ITPK1: variants seen among roughly 807,000 people sequenced by gnomAD.
The protein encoded by ITPK1 is inositol-tetrakisphosphate 1-kinase.
ITPK1 carries 21 observed loss-of-function variants against 45.3 expected under a neutral mutation model. The ratio of observed to expected loss-of-function variants is 0.46; its 90% CI spans 0.33 to 0.67. The LOEUF (loss-of-function observed/expected upper bound fraction) is 0.67. Ranked by LOEUF, ITPK1 falls within the 30% of genes least tolerant of loss-of-function variation. The probability of loss-of-function intolerance (pLI) is 0.02; values close to 1 mark genes in which losing one functional copy is unlikely to be tolerated. For synonymous variants in ITPK1, 258 were observed against 253.6 expected (o/e 1.02, Z -0.16); for missense variants, 474 against 573.5 (o/e 0.83, Z 1.77).
At chr14:93,048,811 T>C (rs2139925797) in intron 3 of ITPK1, among the ~76,000 whole-genome samples, 1 of 152,164 alleles carries the variant, frequency 6.6e-6, no homozygotes, top group South Asian at 2.1e-4. Flanking sequence ...TACCCAGATA[T>C]GGTGGCACAC....
At chr14:93,044,234 A>G (rs1196834931) in intron 3 of ITPK1, among the ~76,000 whole-genome samples, 3 of 152,240 alleles carry the variant, frequency 2.0e-5, no homozygotes. Context: ...CAACCAGCTT[A>G]AACACTGGCA....
chr14:93,008,970 C>T (rs1887755764), intron 4 of ITPK1, among the ~76,000 whole-genome samples: 2 of 152,320 alleles, frequency 1.3e-5, no homozygotes, highest in African/African-American at 4.8e-5. Flanking sequence ...CACCTGAGCT[C>T]TCAGAGCTGC....
Position 93,028,010 on chromosome 14 carries a change from C to T in ITPK1, c.121-11209G>A, listed in dbSNP as rs571839991. ...CACTGAGAGGACCTCTGTGGGAAAC[C>T]GGCACTGTGGGTCCATGCACCTGCT... On this transcript the variant is annotated intron_variant, in intron 3 of 10. Coordinates refer to ENST00000267615, the MANE Select transcript of ITPK1 (RefSeq NM_014216.6). 4.4e-4 allele frequency among the ~76,000 whole-genome samples: 67 copies of T among 152,334 alleles called. 1 individual carries two copies. Among genetic ancestry groups the T allele is most frequent in the African/African-American group, 1.3e-3 (55 of 41,580 alleles).
chr14:92,940,828 C>G lies in ITPK1; in HGVS notation c.*733G>C, dbSNP rs1298850164. On this transcript the variant is annotated 3_prime_UTR_variant, in exon 11 of 11. Transcript: ENST00000267615. ...AGCCAGGCAGCCTCCTTCCCGGGCT[C>G]CAGGGAGCAGCAGTGCTGGCTTAGG... 3 of 1,287,154 alleles carry G rather than the reference C, an allele frequency of 2.3e-6. No individual in the cohort carries two copies. The African/African-American group carries it at 4.6e-5, about 20-fold the overall frequency. 79.7% of individuals were successfully genotyped at this position (1,287,154 alleles called of 1,614,324 possible).
At chr14:92,957,655 C>T (rs1026600813) in intron 8 of ITPK1, among the ~76,000 whole-genome samples, 12 of 152,242 alleles carry the variant, frequency 7.9e-5, no homozygotes, top group South Asian at 2.1e-4. Context: ...CTCACTGGCA[C>T]GGTAGGAGTC....
intron 3 of ITPK1, among the ~76,000 whole-genome samples, chr14:93,021,726 G>A (rs1449410465): frequency 6.6e-6 from 1 of 152,122 alleles, no homozygotes; most frequent in Admixed American, 6.5e-5. Flanking sequence ...TCCCTGGCAA[G>A]AACAACTCTC....
At chr14:92,966,041 G>C (rs1388496741) in intron 5 of ITPK1, among the ~76,000 whole-genome samples, 1 of 152,170 alleles carries the variant, frequency 6.6e-6, no homozygotes, top group African/African-American at 2.4e-5. Flanking sequence ...TTTTAGACAG[G>C]GTCTCACTCA....
At chr14:93,090,156 C>G (rs1891809452) in intron 2 of ITPK1, among the ~76,000 whole-genome samples, 1 of 151,970 alleles carries the variant, frequency 6.6e-6, no homozygotes, top group Admixed American at 6.5e-5. Context: ...GCCTCTGCAG[C>G]AGGTGCACAC....
chr14:93,088,336 G>GTTTTTTTTTT (rs764902793), intron 2 of ITPK1, among the ~76,000 whole-genome samples: 5 of 126,630 alleles, frequency 3.9e-5, no homozygotes, highest in South Asian at 2.3e-4. Flanking sequence ...TTTTGGTTTT[G>GTTTTTTTTTT]TTTTGTTTTT....
In ITPK1 at chr14:93,115,079, C is replaced by T. The variant is rs751704717; in HGVS notation, c.85G>A (p.Glu29Lys). 41 of 1,598,608 alleles carry T rather than the reference C, an allele frequency of 2.6e-5. 1 individual carries two copies. The Admixed American group carries it at 2.9e-4, about 11-fold the overall frequency. ...IKKLNFQAFA[E>K]LCRKRGMEVV... ...CGCGTCCCTCCTTACCTGCACAGCT[C>T]GGCGAAGGCCTGGAAATTCAGCTTC... Residue 29 changes from glutamate to lysine, a missense_variant, in exon 2 of 11, where the codon GAG becomes AAG. Transcript: ENST00000267615.
Position 93,012,119 on chromosome 14 carries a change from G to A in ITPK1, c.246+4557C>T, listed in dbSNP as rs185454585. 9.9e-4 allele frequency among the ~76,000 whole-genome samples: 150 copies of A among 152,164 alleles called. 1 individual carries two copies. The highest frequency in any genetic ancestry group is 3.2e-3 in the African/African-American group (135 of 41,552). On this transcript the variant is annotated intron_variant, in intron 4 of 10. Coordinates refer to ENST00000267615, the MANE Select transcript of ITPK1 (RefSeq NM_014216.6). The surrounding 1 kb of genome is among the most constrained non-coding windows in gnomAD (Gnocchi z 4.9). ...CCATCAGGGCACCCCATGAAAGGCC[G>A]CCCCAGCGCATGACCAGCACTGGGC...
chr14:92,979,804 G>GT (rs1011650073), intron 5 of ITPK1, among the ~76,000 whole-genome samples: 1 of 150,652 alleles, frequency 6.6e-6, no homozygotes, highest in Non-Finnish European at 1.5e-5. Flanking sequence ...TCTCAGGTAG[G>GT]TTTTTTTTAA....
At chr14:93,040,765 T>C (rs1226062719) in intron 3 of ITPK1, among the ~76,000 whole-genome samples, 1 of 152,034 alleles carries the variant, frequency 6.6e-6, no homozygotes, top group African/African-American at 2.4e-5. Context: ...CTTTCTCTGG[T>C]GACTGCCTCC....
intron 5 of ITPK1, among the ~76,000 whole-genome samples, chr14:92,988,634 C>CT (rs1376663756): frequency 7.2e-5 from 11 of 152,142 alleles, no homozygotes; most frequent in African/African-American, 2.7e-4. Flanking sequence ...CACAGGGGAA[C>CT]TGGGGGTGTG....
rs1298951102 is a variant in ITPK1, at chr14:93,016,799, C to T, written c.123G>A (p.Leu41=). The change falls in exon 4 of 11, where the codon CTG becomes CTA. Residue 41 remains leucine (L), a splice_region_variant and synonymous_variant. Transcript: ENST00000267615. The surrounding 1 kb of genome is among the most constrained non-coding windows in gnomAD (Gnocchi z 5.0). ...CRKRGMEVVQ[L]NLSRPIEEQG... ...GCTCCTCGATCGGCCGGCTAAGGTT[C>T]AGCTGTGAGGCAGGGAACACAGACA... is the stretch of plus-strand genomic sequence containing the variant. 3 of 1,613,986 alleles carry T rather than the reference C, an allele frequency of 1.9e-6. No individual in the cohort carries two copies. Among genetic ancestry groups the T allele is most frequent in the Non-Finnish European group, 1.7e-6 (2 of 1,179,926 alleles).
intron 3 of ITPK1, chr14:93,071,388 C>G (rs1029117221): frequency 2.0e-5 from 3 of 152,222 alleles, no homozygotes; most frequent in Non-Finnish European, 4.4e-5. Context: ...TTGCCTCAGG[C>G]CTGGTTCTGA....
chr14:92,961,919 C>T (rs1385768562), intron 7 of ITPK1, among the ~76,000 whole-genome samples: 1 of 152,246 alleles, frequency 6.6e-6, no homozygotes, highest in East Asian at 1.9e-4. Context: ...TGTGAGGACA[C>T]AGTGAGAAGG....
chr14:92,987,346 CCT>C (rs1484714170), intron 5 of ITPK1, among the ~76,000 whole-genome samples: 2 of 152,162 alleles, frequency 1.3e-5, no homozygotes, highest in Non-Finnish European at 2.9e-5. Flanking sequence ...GGGCGTGCTC[CCT>C]GAGGCCCTGT....
chr14:92,944,563 C>T (rs1385407755), intron 10 of ITPK1, among the ~76,000 whole-genome samples: 1 of 152,156 alleles, frequency 6.6e-6, no homozygotes, highest in Non-Finnish European at 1.5e-5. Flanking sequence ...CAAAGCTTCC[C>T]ACCCTCTCCT....
Sources: allele counts gnomAD v4.1 joint callset (sites outside exome capture counted in the v4.1 genomes callset), GRCh38; gene constraint gnomAD v4.1.1; non-coding constraint Gnocchi (gnomAD v3.1); transcripts MANE v1.5; gene names NCBI Gene and HGNC (gene_info 2026-07-23, HGNC 2026-07-21).